The following MAST4 variants were observed in gnomAD, a reference collection of about 807,000 sequenced individuals.
MAST4 encodes the protein microtubule-associated serine/threonine-protein kinase 4.
Under a neutral mutation model 162.7 loss-of-function variants are expected in MAST4, and 89 were observed. That is an observed-to-expected ratio of 0.55 (90% CI 0.46 to 0.65). MAST4 has a LOEUF of 0.65. Among genes scored for constraint, MAST4 ranks in the 30% least tolerant of loss-of-function variants. MAST4 has a pLI of 0.00. For missense variants in MAST4, 3,153 were observed against 3,374.0 expected (o/e 0.93, Z 1.62); for synonymous variants, 1,479 against 1,361.1 (o/e 1.09, Z -1.91).
intron 3 of MAST4, among the ~76,000 whole-genome samples, chr5:66,793,453 A>G (rs899733828): frequency 2.6e-5 from 4 of 152,244 alleles, no homozygotes; most frequent in African/African-American, 9.6e-5. Flanking sequence ...CAGAAGTCAT[A>G]GTCGTCAAAA....
chr5:66,742,190 G>A (rs1276585451), intron 1 of MAST4, among the ~76,000 whole-genome samples: 1 of 152,152 alleles, frequency 6.6e-6, no homozygotes, highest in Non-Finnish European at 1.5e-5. Flanking sequence ...CGTGAGAGAC[G>A]GAGCTGGGTC....
intron 2 of MAST4, among the ~76,000 whole-genome samples, chr5:66,776,070 CTGTA>C (rs1754587199): frequency 6.6e-6 from 1 of 152,168 alleles, no homozygotes; most frequent in South Asian, 2.1e-4. Flanking sequence ...GTGAATTAGA[CTGTA>C]TGTAAGAGTT....
chr5:66,882,361 A>C (rs954383254), intron 3 of MAST4, among the ~76,000 whole-genome samples: 1 of 152,118 alleles, frequency 6.6e-6, no homozygotes, highest in Non-Finnish European at 1.5e-5. Flanking sequence ...GACCCCATTT[A>C]TATCTATATT....
intron 4 of MAST4, among the ~76,000 whole-genome samples, chr5:66,919,951 TC>T (rs57062166): frequency 0.024 from 3,045 of 125,108 alleles, 107 homozygotes; most frequent in South Asian, 0.084. Context: ...CTTCCTTCCT[TC>T]CTTCCTTCCT....
intron 1 of MAST4, among the ~76,000 whole-genome samples, chr5:66,641,842 C>T (rs1379345535): frequency 6.6e-6 from 1 of 152,100 alleles, no homozygotes; most frequent in Non-Finnish European, 1.5e-5. Context: ...ACCAAAAAAA[C>T]CTAGTTAGTC....
At chr5:66,681,805 C>G (rs1748347164) in intron 1 of MAST4, among the ~76,000 whole-genome samples, 1 of 152,174 alleles carries the variant, frequency 6.6e-6, no homozygotes, top group Admixed American at 6.5e-5. Flanking sequence ...TCCCAAGCTG[C>G]CTCTTCATTA....
chr5:66,951,642 G>GTGTGTT (rs1486403707), intron 4 of MAST4, among the ~76,000 whole-genome samples: 1 of 149,476 alleles, frequency 6.7e-6, no homozygotes, highest in African/African-American at 2.5e-5. Context: ...GTGTGTGTGT[G>GTGTGTT]TGTGTGTGTG....
intron 1 of MAST4, among the ~76,000 whole-genome samples, chr5:66,748,718 G>C (rs758030986): frequency 6.6e-6 from 1 of 151,840 alleles, no homozygotes; most frequent in Non-Finnish European, 1.5e-5. Context: ...TCGATCTCTT[G>C]ACCTCATGAT....
intron 1 of MAST4, among the ~76,000 whole-genome samples, chr5:66,702,234 G>A (rs572625839): frequency 6.6e-6 from 1 of 152,280 alleles, no homozygotes; most frequent in East Asian, 1.9e-4. Flanking sequence ...CCTCATCCCA[G>A]TGGTCCCTCG....
chr5:67,090,533 C>G (rs1387511564), intron 6 of MAST4, among the ~76,000 whole-genome samples: 2 of 145,906 alleles, frequency 1.4e-5, no homozygotes. Context: ...CTCCAAAGCC[C>G]CACTGGCCAA....
chr5:67,043,699 T>A (rs2150501598), intron 4 of MAST4, among the ~76,000 whole-genome samples: 2 of 152,280 alleles, frequency 1.3e-5, no homozygotes, highest in South Asian at 4.1e-4. Context: ...TTACATTGAG[T>A]ACAAAAAACG....
chr5:66,704,558 T>C (rs545771618), intron 1 of MAST4, among the ~76,000 whole-genome samples: 10 of 143,376 alleles, frequency 7.0e-5, no homozygotes, highest in African/African-American at 1.6e-4. Flanking sequence ...TGGAGTGCAG[T>C]GGCACGATCT....
chr5:67,119,066 CA>C (rs1767264336), intron 13 of MAST4, among the ~76,000 whole-genome samples: 1 of 152,188 alleles, frequency 6.6e-6, no homozygotes, highest in South Asian at 2.1e-4. Context: ...GCAAGGGAGA[CA>C]GCAGAAACTA....
chr5:66,710,708 CT>C, intron 1 of MAST4, among the ~76,000 whole-genome samples: 1 of 152,162 alleles, frequency 6.6e-6, no homozygotes, highest in Admixed American at 6.5e-5. Context: ...GACCCGCCGT[CT>C]GGGTTGTCAG....
chr5:67,081,077 G>A (rs1204047185), intron 5 of MAST4, among the ~76,000 whole-genome samples: 3 of 67,844 alleles, frequency 4.4e-5, no homozygotes, highest in Non-Finnish European at 7.4e-5. Flanking sequence ...ATATATAATT[G>A]TATATATTAT....
chr5:67,017,550 T>C (rs1753447411), intron 4 of MAST4, among the ~76,000 whole-genome samples: 1 of 152,180 alleles, frequency 6.6e-6, no homozygotes, highest in African/African-American at 2.4e-5. Context: ...AACAAAGTTA[T>C]GTAGCTAACA....
At chr5:66,845,216 C>T (rs1758760136) in intron 3 of MAST4, among the ~76,000 whole-genome samples, 1 of 143,316 alleles carries the variant, frequency 7.0e-6, no homozygotes, top group East Asian at 2.2e-4. Context: ...TTTGCTGCAC[C>T]CATTAACTCG....
At chr5:66,613,444 T>G (rs1743430819) in intron 1 of MAST4, among the ~76,000 whole-genome samples, 3 of 152,060 alleles carry the variant, frequency 2.0e-5, no homozygotes, top group Admixed American at 1.3e-4. Context: ...TTGGCCCAAT[T>G]AGAATTTCAA....
chr5:66,663,831 C>G (rs1747066682), intron 1 of MAST4, among the ~76,000 whole-genome samples: 2 of 152,152 alleles, frequency 1.3e-5, no homozygotes, highest in African/African-American at 4.8e-5. Context: ...GTCTTAAAAC[C>G]AAGATCACTC....
Sources: gnomAD v4.1 joint callset for allele counts (sites outside exome capture counted in the v4.1 genomes callset) on GRCh38, gnomAD v4.1.1 for gene constraint, MANE v1.5 for transcripts, NCBI Gene and HGNC (gene_info 2026-07-23, HGNC 2026-07-21) for gene names.